ARHGEF28: variants seen among roughly 807,000 people sequenced by gnomAD.
ARHGEF28 encodes the protein Rho guanine nucleotide exchange factor 28, also known as 190 kDa guanine nucleotide exchange factor.
A neutral mutation model predicts 206.6 loss-of-function variants in ARHGEF28; 152 were observed. The observed-to-expected ratio is 0.74, with a 90% confidence interval of 0.64 to 0.84. The LOEUF (loss-of-function observed/expected upper bound fraction) is 0.84, where lower values mean the gene tolerates loss of function less well. Among genes scored for constraint, ARHGEF28 ranks in the 40% least tolerant of loss-of-function variants. ARHGEF28 has a pLI of 0.00. For synonymous variants in ARHGEF28, 763 were observed against 776.4 expected (o/e 0.98, Z 0.29); for missense variants, 2,028 against 2,073.2 (o/e 0.98, Z 0.42).
chr5:73,635,842 A>G (rs943791967), intron 1 of ARHGEF28, among the ~76,000 whole-genome samples: 18 of 152,234 alleles, frequency 1.2e-4, no homozygotes, highest in African/African-American at 4.3e-4. Flanking sequence ...ATTCTTGGAG[A>G]AAAAGAACAA....
intron 1 of ARHGEF28, among the ~76,000 whole-genome samples, chr5:73,635,780 T>G (rs1313838214): frequency 6.6e-6 from 1 of 152,238 alleles, no homozygotes; most frequent in African/African-American, 2.4e-5. Flanking sequence ...GTTGCTTTTA[T>G]AGCAGTTATC....
intron 26 of ARHGEF28, among the ~76,000 whole-genome samples, chr5:73,891,823 C>T (rs867878031): frequency 6.6e-5 from 10 of 152,284 alleles, no homozygotes; most frequent in African/African-American, 2.4e-4. Flanking sequence ...TTGGGCCCGG[C>T]CTAAACCACC....
chr5:73,726,259 C>A (rs1349069354), intron 2 of ARHGEF28, among the ~76,000 whole-genome samples: 1 of 152,212 alleles, frequency 6.6e-6, no homozygotes, highest in Non-Finnish European at 1.5e-5. Context: ...TCCTTTGGAA[C>A]TTCTGGGCAC....
At chr5:73,896,242 A>C (rs1761952803) in intron 29 of ARHGEF28, among the ~76,000 whole-genome samples, 1 of 152,110 alleles carries the variant, frequency 6.6e-6, no homozygotes, top group Non-Finnish European at 1.5e-5. Context: ...AAGCTTGGGG[A>C]GGATCATCTT....
At chr5:73,883,066 T>C (rs1339317583) in intron 23 of ARHGEF28, among the ~76,000 whole-genome samples, 3 of 152,182 alleles carry the variant, frequency 2.0e-5, no homozygotes, top group Non-Finnish European at 4.4e-5. Context: ...GATTATCTCA[T>C]AAAATTGGAT....
intron 2 of ARHGEF28, among the ~76,000 whole-genome samples, chr5:73,708,232 A>G (rs1272396922): frequency 6.6e-6 from 1 of 151,398 alleles, no homozygotes; most frequent in Non-Finnish European, 1.5e-5. Context: ...CACGGGTTAT[A>G]TATGCAGGTT....
At chr5:73,747,714 G>A (rs1339298677) in intron 2 of ARHGEF28, among the ~76,000 whole-genome samples, 1 of 152,088 alleles carries the variant, frequency 6.6e-6, no homozygotes, top group African/African-American at 2.4e-5. Context: ...TATCTTCTGA[G>A]TGTTAGGACT....
At chr5:73,650,725 T>G (rs1377303828) in intron 1 of ARHGEF28, among the ~76,000 whole-genome samples, 2 of 152,020 alleles carry the variant, frequency 1.3e-5, no homozygotes, top group African/African-American at 4.8e-5. Context: ...CTCGGCTCAC[T>G]GCAACCTTTG....
chr5:73,697,586 T>C (rs1045251225), intron 2 of ARHGEF28, among the ~76,000 whole-genome samples: 1 of 152,102 alleles, frequency 6.6e-6, no homozygotes, highest in Non-Finnish European at 1.5e-5. Context: ...CTCCCTCTTC[T>C]TACAGAGCCA....
chr5:73,725,963 G>A (rs772846610), intron 2 of ARHGEF28, among the ~76,000 whole-genome samples: 1 of 152,180 alleles, frequency 6.6e-6, no homozygotes, highest in African/African-American at 2.4e-5. Context: ...AATTAAGAGA[G>A]CATTAACAAT....
At chr5:73,848,405 T>A (rs1758497025) in intron 12 of ARHGEF28, among the ~76,000 whole-genome samples, 1 of 152,176 alleles carries the variant, frequency 6.6e-6, no homozygotes, top group Admixed American at 6.5e-5. Flanking sequence ...AAGTGCTAGA[T>A]GGAAGGTCTA....
chr5:73,900,111 C>G (rs915786238), intron 30 of ARHGEF28: 2 of 152,208 alleles, frequency 1.3e-5, no homozygotes, highest in African/African-American at 4.8e-5. Flanking sequence ...TTTAGCTGAT[C>G]TCATCTGAAG....
At chr5:73,866,137 G>A in intron 18 of ARHGEF28, 124 bp downstream of exon 18, 3 of 891,896 alleles carry the variant, frequency 3.4e-6, no homozygotes, top group South Asian at 3.9e-5. Context: ...CATAACATAT[G>A]CTTGGCATGA....
At chr5:73,737,908 A>G (rs1405486749) in intron 2 of ARHGEF28, among the ~76,000 whole-genome samples, 1 of 152,036 alleles carries the variant, frequency 6.6e-6, no homozygotes, top group African/African-American at 2.4e-5. Flanking sequence ...CTGCTTCTCT[A>G]GTTTCCATCA....
intron 13 of ARHGEF28, among the ~76,000 whole-genome samples, chr5:73,851,356 T>G (rs1024247659): frequency 1.3e-5 from 2 of 151,976 alleles, no homozygotes; most frequent in Admixed American, 6.6e-5. Context: ...TGTGATGTTC[T>G]GTCTTCCTTG....
At chr5:73,828,735 TC>T (rs1757091490) in intron 9 of ARHGEF28, among the ~76,000 whole-genome samples, 1 of 151,928 alleles carries the variant, frequency 6.6e-6, no homozygotes, top group Admixed American at 6.6e-5. Context: ...TCTCTGTCTT[TC>T]TCTTTCTTTC....
chr5:73,851,307 T>C (rs1398954184), intron 13 of ARHGEF28, among the ~76,000 whole-genome samples: 1 of 152,132 alleles, frequency 6.6e-6, no homozygotes, highest in Admixed American at 6.5e-5. Flanking sequence ...AATGCAGATA[T>C]ACAAACCTAG....
intron 24 of ARHGEF28, 41 bp from the exon 25 acceptor site, chr5:73,885,809 T>G (rs748068102): frequency 6.4e-7 from 1 of 1,563,826 alleles, no homozygotes; most frequent in South Asian, 1.2e-5. Context: ...TCTGGTTTAT[T>G]GTATAGTATT....
At chr5:73,650,063 G>A (rs1047303109) in intron 1 of ARHGEF28, among the ~76,000 whole-genome samples, 1 of 152,140 alleles carries the variant, frequency 6.6e-6, no homozygotes, top group African/African-American at 2.4e-5. Context: ...GAGAAAGTAT[G>A]TTCTTGGAAT....
Sources: allele counts gnomAD v4.1 joint callset (sites outside exome capture counted in the v4.1 genomes callset), GRCh38; gene constraint gnomAD v4.1.1; transcripts MANE v1.5; gene names NCBI Gene and HGNC (gene_info 2026-07-23, HGNC 2026-07-21).